The following MS4A1 variants were observed in gnomAD, a reference collection of about 807,000 sequenced individuals.
MS4A1 encodes membrane spanning 4-domains A1.
In MS4A1, 16 loss-of-function variants were observed where a neutral mutation model predicts 26.5. The ratio of observed to expected loss-of-function variants is 0.60; its 90% confidence interval spans 0.41 to 0.92. The LOEUF (loss-of-function observed/expected upper bound fraction) is 0.92, where lower values mean the gene tolerates loss of function less well. Ranked by LOEUF, MS4A1 falls within the 40% of genes least tolerant of loss-of-function variation. MS4A1 has a pLI of 0.00. For synonymous variants in MS4A1, 128 were observed against 117.6 expected (o/e 1.09, Z -0.57); for missense variants, 350 against 353.0 (o/e 0.99, Z 0.07).
Position 60,468,484 on chromosome 11 carries a change from TTC to T in MS4A1, c.*18_*19del, listed in dbSNP as rs1246697735. On this transcript the variant is annotated 3_prime_UTR_variant, in exon 8 of 8. Transcript: ENST00000345732. ...CTCTCCTTAAGTGATTTCTTCTGTT[TTC>T]TGTTTCCTTTTTTAAACATTAGTGT... The T allele has an allele frequency of 1.2e-6, 2 of 1,610,718 alleles. No individual in the cohort carries two copies. Among genetic ancestry groups the T allele is most frequent in the East Asian group, 2.2e-5 (1 of 44,812 alleles).
At position 60,470,087 on chromosome 11, in the gene MS4A1, ATTC is replaced by A. The variant is rs1420636709; in HGVS notation, c.*1625_*1627del. The A allele has an allele frequency of 6.6e-6, 1 of 152,048 alleles. No homozygotes were observed. The highest frequency in any genetic ancestry group is 2.4e-5 in the African/African-American group (1 of 41,442). 9.4% of individuals were successfully genotyped at this position (152,048 alleles called of 1,614,324 possible). On this transcript the variant is annotated 3_prime_UTR_variant, in exon 8 of 8. Transcript: ENST00000345732. Reference sequence around the variant, plus strand: ...ATGATTCCAACATGGGTGTTTGTCTATTCTTCTTTACTCTTGAAACATTAGACC... The same window carrying A: ...ATGATTCCAACATGGGTGTTTGTCTATTCTTTACTCTTGAAACATTAGACC...
chr11:60,468,553 T>A lies in MS4A1; in HGVS notation c.*85T>A, dbSNP rs977898272. On this transcript the variant is annotated 3_prime_UTR_variant, in exon 8 of 8. Coordinates refer to ENST00000345732, the MANE Select transcript of MS4A1 (RefSeq NM_152866.3). ...ACATGCTGACTTTCATTTCTTGAGG[T>A]ACTCTGCACATACGCACCACATCTC... The A allele has an allele frequency of 1.2e-5, 15 of 1,257,244 alleles. No individual in the cohort carries two copies. Among genetic ancestry groups the A allele is most frequent in the East Asian group, 2.5e-5 (1 of 40,498 alleles). The allele number at this position is 1,257,244 out of a possible 1,614,324, so 77.9% of individuals were successfully genotyped here. A position where few individuals can be genotyped will look rare whatever the true frequency, so the allele number is the denominator to read the frequency against.
At position 60,464,151 on chromosome 11, in the gene MS4A1, G is replaced by A. The variant is rs79489456; in HGVS notation, c.280-137G>A. ...ATGAATACAACTGATAAAAATGGGTGGATGGTTGTGTGAAAGTTGCTGAAA... is the reference window on the plus strand; with the variant it reads ...ATGAATACAACTGATAAAAATGGGTAGATGGTTGTGTGAAAGTTGCTGAAA... On this transcript the variant is annotated intron_variant, in intron 4 of 7. Transcript: ENST00000345732. The A allele has an allele frequency of 4.9e-3, 3,318 of 680,594 alleles. 80 individuals are homozygous for A. The African/African-American group carries it at 0.049, about 10-fold the overall frequency. 42.2% of individuals were successfully genotyped at this position (680,594 alleles called of 1,614,324 possible).
At position 60,461,070 on chromosome 11, in the gene MS4A1, A is replaced by G. The variant is rs186696088; in HGVS notation, c.-279-2A>G. ...AGTAACTAAATCCAAAAATTATTTT[A>G]GATCCTGAACAAGAGAGAACAAAAT... is the stretch of plus-strand genomic sequence containing the variant. On this transcript the variant is annotated splice_acceptor_variant, in intron 1 of 7. Coordinates refer to ENST00000345732, the MANE Select transcript of MS4A1 (RefSeq NM_152866.3). LOFTEE classifies it low-confidence loss of function (5UTR_SPLICE). The G allele has an allele frequency of 2.6e-5, 4 of 151,996 alleles. 1 individual carries two copies. In the Admixed American group the frequency reaches 2.7e-4, roughly 10 times the overall value. 9.4% of individuals were successfully genotyped at this position (151,996 alleles called of 1,614,324 possible).
At chr11:60,467,503 C>T (rs888558012) in intron 7 of MS4A1, among the ~76,000 whole-genome samples, 8 of 151,788 alleles carry the variant, frequency 5.3e-5, no homozygotes, top group Admixed American at 1.3e-4. Flanking sequence ...CTTGAACTCC[C>T]GACCTCAGGT....
At position 60,468,369 on chromosome 11, in the gene MS4A1, T is replaced by A; in HGVS notation, c.795T>A (p.Ile265=). 1 of 1,614,092 alleles carries A rather than the reference T, an allele frequency of 6.2e-7. No individual in the cohort carries two copies. The highest frequency in any genetic ancestry group is 8.5e-7 in the Non-Finnish European group (1 of 1,179,994). The change falls in exon 8 of 8, where the codon ATT becomes ATA. Residue 265 remains isoleucine, a synonymous_variant. Coordinates refer to ENST00000345732, the MANE Select transcript of MS4A1 (RefSeq NM_152866.3). ...QPKNEEDIEI[I]PIQEEEEEET... is the part of the protein sequence containing the mutation. ...AGAATGAAGAAGACATTGAAATTAT[T>A]CCAATCCAAGAAGAGGAAGAAGAAG...
chr11:60,459,102 A>T (rs116857874), intron 1 of MS4A1, among the ~76,000 whole-genome samples: 3,566 of 152,326 alleles, frequency 0.023, 80 homozygotes, highest in Non-Finnish European at 0.03. Flanking sequence ...TTAATCAAGC[A>T]GTTGATGAAT....
intron 6 of MS4A1, 39 bp downstream of exon 6, chr11:60,466,196 C>T (rs1473280541): frequency 1.4e-6 from 2 of 1,473,246 alleles, no homozygotes; most frequent in African/African-American, 2.8e-5. Flanking sequence ...GATTTCTCTC[C>T]AGGGAGGAAG....
At position 60,468,265 on chromosome 11, in the gene MS4A1, T is replaced by C; in HGVS notation, c.691T>C (p.Ser231Pro). ...SRPKSNIVLLSAEEKKEQTIE... is the reference protein window; with the variant it reads ...SRPKSNIVLLPAEEKKEQTIE... ...TCTGTTTTAGAACATAGTTCTCCTG[T>C]CAGCAGAAGAAAAAAAAGAACAGAC... is the stretch of plus-strand genomic sequence containing the variant. Residue 231 changes from serine to proline, a missense_variant, in exon 8 of 8, where the codon TCA becomes CCA. Coordinates refer to ENST00000345732, the MANE Select transcript of MS4A1 (RefSeq NM_152866.3). 6.2e-7 allele frequency: 1 copy of C among 1,612,102 alleles called. No homozygotes were observed. The highest frequency in any genetic ancestry group is 8.5e-7 in the Non-Finnish European group (1 of 1,178,608).
At chr11:60,465,808 A>G in intron 5 of MS4A1, 113 bp from the exon 6 acceptor site, 1 of 793,458 alleles carries the variant, frequency 1.3e-6, no homozygotes, top group Non-Finnish European at 2.2e-6. Context: ...ACTTCAGTAT[A>G]TTTAGTTGTA....
chr11:60,459,988 G>C (rs1318321751), intron 1 of MS4A1, among the ~76,000 whole-genome samples: 1 of 152,020 alleles, frequency 6.6e-6, no homozygotes, highest in African/African-American at 2.4e-5. Context: ...GCTCACAGCT[G>C]TTATCCTAGC....
chr11:60,467,958 C>T (rs182253154), intron 7 of MS4A1, among the ~76,000 whole-genome samples: 35 of 152,174 alleles, frequency 2.3e-4, no homozygotes, highest in Admixed American at 7.8e-4. Context: ...CAAATCAGAA[C>T]GAAAATCTAA....
At chr11:60,463,573 G>T (rs745521408) in intron 4 of MS4A1, among the ~76,000 whole-genome samples, 1 of 152,204 alleles carries the variant, frequency 6.6e-6, no homozygotes, top group Non-Finnish European at 1.5e-5. Context: ...CGACAGAGCA[G>T]CACTCTTTTG....
intron 6 of MS4A1, chr11:60,466,747 T>A: frequency 1.7e-6 from 1 of 589,808 alleles, no homozygotes; most frequent in East Asian, 3.1e-5. Context: ...GCAATACACA[T>A]TAACCATCTG....
intron 1 of MS4A1, among the ~76,000 whole-genome samples, chr11:60,460,025 T>G (rs775365441): frequency 2.6e-5 from 4 of 151,982 alleles, no homozygotes; most frequent in Non-Finnish European, 5.9e-5. Context: ...GGGGGCAGAT[T>G]GCTTGAGTCC....
intron 1 of MS4A1, among the ~76,000 whole-genome samples, chr11:60,456,708 C>G (rs1239979039): frequency 6.6e-6 from 1 of 152,124 alleles, no homozygotes; most frequent in East Asian, 1.9e-4. Context: ...TCCCTGTTTC[C>G]CATAAAATGG....
chr11:60,463,063 C>G lies in MS4A1; in HGVS notation c.221C>G (p.Ala74Gly). 6.2e-7 allele frequency: 1 copy of G among 1,614,122 alleles called. No homozygotes were observed. The highest frequency in any genetic ancestry group is 8.5e-7 in the Non-Finnish European group (1 of 1,180,014). The change falls in exon 4 of 8, where the codon GCA becomes GGA. Residue 74 changes from alanine (A) to glycine (G), a missense_variant. Transcript: ENST00000345732. ...IALGGLLMIP[A>G]GIYAPICVTV... ...CTGGGGGGTCTTCTGATGATCCCAGCAGGGATCTATGCACCCATCTGTGTG... is the reference window on the plus strand; with the variant it reads ...CTGGGGGGTCTTCTGATGATCCCAGGAGGGATCTATGCACCCATCTGTGTG...
chr11:60,456,112 C>T (rs1165326910), intron 1 of MS4A1, among the ~76,000 whole-genome samples, 167 bp downstream of exon 1: 5 of 152,130 alleles, frequency 3.3e-5, no homozygotes, highest in Admixed American at 1.3e-4. Context: ...AGGCTTGCTG[C>T]CCACTCACTC....
chr11:60,465,779 G>A (rs1304225190), intron 5 of MS4A1, 142 bp from the exon 6 acceptor site: 1 of 682,028 alleles, frequency 1.5e-6, no homozygotes, highest in African/African-American at 1.8e-5. Flanking sequence ...TGACAAAGAG[G>A]CTAAAAACAA....
Sources: allele counts gnomAD v4.1 joint callset (sites outside exome capture counted in the v4.1 genomes callset), GRCh38; gene constraint gnomAD v4.1.1; transcripts MANE v1.5; gene names NCBI Gene and HGNC (gene_info 2026-07-23, HGNC 2026-07-21).